The following KIAA1217 variants were observed in gnomAD, a reference collection of about 807,000 sequenced individuals.
KIAA1217 encodes the protein KIAA1217.
A neutral mutation model predicts 163.9 loss-of-function variants in KIAA1217; 88 were observed. The ratio of observed to expected loss-of-function variants is 0.54; its 90% CI spans 0.45 to 0.64. The LOEUF (loss-of-function observed/expected upper bound fraction) is 0.64. Among genes scored for constraint, KIAA1217 ranks in the 30% least tolerant of loss-of-function variants. KIAA1217 has a pLI of 0.00. For missense variants in KIAA1217, 2,372 were observed against 2,475.0 expected (o/e 0.96, Z 0.88); for synonymous variants, 903 against 923.1 (o/e 0.98, Z 0.39).
chr10:23,943,862 C>T (rs190302377), intron 1 of KIAA1217, among the ~76,000 whole-genome samples: 11 of 152,226 alleles, frequency 7.2e-5, no homozygotes, highest in South Asian at 4.2e-4. Context: ...CTACACATGA[C>T]GTGGAAACAA....
At chr10:24,498,800 G>A (rs1293850122) in intron 8 of KIAA1217, among the ~76,000 whole-genome samples, 9 of 152,146 alleles carry the variant, frequency 5.9e-5, no homozygotes, top group South Asian at 2.1e-4. Context: ...GTGACAGAGC[G>A]AAACCATGTT....
chr10:23,801,109 A>G (rs1189178353), intron 1 of KIAA1217, among the ~76,000 whole-genome samples: 1 of 152,222 alleles, frequency 6.6e-6, no homozygotes, highest in Non-Finnish European at 1.5e-5. Flanking sequence ...GATAAAGAAA[A>G]TGTGGCACAT....
intron 2 of KIAA1217, among the ~76,000 whole-genome samples, chr10:24,192,634 C>T (rs2066779130): frequency 6.6e-6 from 1 of 152,194 alleles, no homozygotes; most frequent in Non-Finnish European, 1.5e-5. Context: ...GAGGTCACAC[C>T]CACACCAGGA....
At chr10:23,818,351 A>ATATATATATAT (rs1554802292) in intron 1 of KIAA1217, among the ~76,000 whole-genome samples, 6 of 134,894 alleles carry the variant, frequency 4.4e-5, no homozygotes, top group African/African-American at 1.7e-4. Context: ...TATATAAAAA[A>ATATATATATAT]ATATATATAT....
intron 2 of KIAA1217, among the ~76,000 whole-genome samples, chr10:24,293,890 C>A (rs565148171): frequency 6.6e-6 from 1 of 152,226 alleles, no homozygotes; most frequent in Non-Finnish European, 1.5e-5. Context: ...GGTCTCCGAC[C>A]GACGTCTTTG....
intron 2 of KIAA1217, among the ~76,000 whole-genome samples, chr10:24,254,431 A>T (rs1003580321): frequency 6.6e-6 from 1 of 152,186 alleles, no homozygotes; most frequent in African/African-American, 2.4e-5. Flanking sequence ...ATCCAGCAGG[A>T]CGTATTCTTC....
rs1450078569 is a variant in KIAA1217, at chr10:24,162,006, A to G, written c.-170-57620A>G. ...CAGATGCAGTCTAGCAGAAAAACAA[A>G]GGAGGTATATCTGAGGTGCTCAGTG... On this transcript the variant is annotated intron_variant, in intron 2 of 18. Coordinates refer to the KIAA1217 transcript ENST00000376462. Among the ~76,000 whole-genome samples, 6 of 152,260 alleles carry G rather than the reference A, an allele frequency of 3.9e-5. No homozygotes were observed. In the South Asian group the frequency reaches 1.0e-3, roughly 26 times the overall value.
intron 1 of KIAA1217, among the ~76,000 whole-genome samples, chr10:23,965,367 A>G (rs1296424727): frequency 6.6e-6 from 1 of 152,332 alleles, no homozygotes; most frequent in South Asian, 2.1e-4. Context: ...CAAATGCCCT[A>G]TAAGGCCTCT....
At chr10:24,292,293 A>G (rs1231983339) in intron 2 of KIAA1217, among the ~76,000 whole-genome samples, 1 of 152,206 alleles carries the variant, frequency 6.6e-6, no homozygotes, top group Non-Finnish European at 1.5e-5. Flanking sequence ...TGACCAAGGA[A>G]TTGAAGTAGA....
At chr10:24,060,745 A>G (rs2060691754) in intron 2 of KIAA1217, among the ~76,000 whole-genome samples, 2 of 152,188 alleles carry the variant, frequency 1.3e-5, no homozygotes, top group East Asian at 1.9e-4. Flanking sequence ...ATAGTGAGCT[A>G]TGATGGCACT....
At chr10:24,054,946 G>A (rs994874821) in intron 2 of KIAA1217, among the ~76,000 whole-genome samples, 1 of 152,082 alleles carries the variant, frequency 6.6e-6, no homozygotes, top group African/African-American at 2.4e-5. Flanking sequence ...ATTTTGTTAT[G>A]CAGCACATGA....
chr10:24,070,266 G>T (rs933125573), intron 2 of KIAA1217, among the ~76,000 whole-genome samples: 1 of 151,376 alleles, frequency 6.6e-6, no homozygotes, highest in African/African-American at 2.4e-5. Context: ...AAAGATAATG[G>T]CTGAGACTAT....
At chr10:23,778,035 G>A (rs550505429) in intron 1 of KIAA1217, among the ~76,000 whole-genome samples, 81 of 148,250 alleles carry the variant, frequency 5.5e-4, no homozygotes, top group African/African-American at 1.9e-3. Flanking sequence ...CACCGCCTCC[G>A]GGTTCAAGTG....
intron 2 of KIAA1217, among the ~76,000 whole-genome samples, chr10:24,066,785 A>T (rs1258099827): frequency 1.3e-5 from 2 of 152,206 alleles, no homozygotes; most frequent in Non-Finnish European, 2.9e-5. Flanking sequence ...TACACCAATT[A>T]GACGTAGATT....
chr10:24,390,106 A>AT (rs999993934), intron 3 of KIAA1217, among the ~76,000 whole-genome samples: 2 of 151,862 alleles, frequency 1.3e-5, no homozygotes, highest in Non-Finnish European at 2.9e-5. Flanking sequence ...TAATAAATCC[A>AT]TTTTTTTTAA....
chr10:23,934,625 A>ATT lies in KIAA1217; in HGVS notation c.-320-72591_-320-72590dup, dbSNP rs1183009109. ...TATATATGTATATATATATATATAT[A>ATT]TTTTTTTTTTGAGACGGAGTCTCGC... On this transcript the variant is annotated intron_variant, in intron 1 of 18. Coordinates refer to the KIAA1217 transcript ENST00000376462. Among the ~76,000 whole-genome samples the ATT allele has an allele frequency of 5.4e-4, 37 of 68,538 alleles. 3 individuals carry two copies. Among genetic ancestry groups the ATT allele is most frequent in the Middle Eastern group, 0.01 (1 of 98 alleles). 45.0% of individuals were successfully genotyped at this position (68,538 alleles called of 152,430 possible).
At chr10:24,486,779 T>A (rs1470940282) in intron 6 of KIAA1217, among the ~76,000 whole-genome samples, 1 of 152,190 alleles carries the variant, frequency 6.6e-6, no homozygotes, top group Non-Finnish European at 1.5e-5. Flanking sequence ...TCTTTCTATC[T>A]CTCTTCCCAG....
In KIAA1217 at chr10:24,244,891, G is replaced by A. The variant is rs369241789; in HGVS notation, c.354+24982G>A. Among the ~76,000 whole-genome samples the A allele has an allele frequency of 3.6e-4, 55 of 152,134 alleles. 2 individuals carry two copies. In the East Asian group the frequency reaches 0.011, roughly 29 times the overall value. ...GCTTATCCTAACGGCAGGAAGCTTTGATACTTTTACTTCCTGACCACAGAC... is the reference window on the plus strand; with the variant it reads ...GCTTATCCTAACGGCAGGAAGCTTTAATACTTTTACTTCCTGACCACAGAC... On this transcript the variant is annotated intron_variant, in intron 2 of 20. Transcript: ENST00000376454.
chr10:24,363,944 A>C (rs2050380999), intron 2 of KIAA1217, among the ~76,000 whole-genome samples: 1 of 151,620 alleles, frequency 6.6e-6, no homozygotes, highest in Non-Finnish European at 1.5e-5. Flanking sequence ...GATAATCCAG[A>C]AGTTCACTGA....
Sources: gnomAD v4.1 joint callset for allele counts (sites outside exome capture counted in the v4.1 genomes callset) on GRCh38, gnomAD v4.1.1 for gene constraint, MANE v1.5 for transcripts, NCBI Gene and HGNC (gene_info 2026-07-23, HGNC 2026-07-21) for gene names.